HMGB1: variants seen among roughly 807,000 people sequenced by gnomAD.
HMGB1 encodes high mobility group box 1, also known as high mobility group protein B1.
For missense variants in HMGB1, 79 were observed against 253.5 expected, an observed-to-expected ratio of 0.31 and a Z score of 4.67; for synonymous variants, 81 against 84.0, an observed-to-expected ratio of 0.96 and a Z score of 0.19.
chr13:30,526,898 AT>A (rs1336276671), intron 1 of HMGB1, among the ~76,000 whole-genome samples: 1 of 152,250 alleles, frequency 6.6e-6, no homozygotes, highest in African/African-American at 2.4e-5. Context: ...TTTGTCTCAG[AT>A]CACAATCAGC....
At chr13:30,538,573 T>TCTTTCTTC (rs1412640453) in intron 1 of HMGB1, among the ~76,000 whole-genome samples, 1 of 87,934 alleles carries the variant, frequency 1.1e-5, no homozygotes, top group African/African-American at 1.1e-4. Context: ...CTTCTTTTTC[T>TCTTTCTTC]TTCTTTCTTT....
intron 1 of HMGB1, among the ~76,000 whole-genome samples, chr13:30,531,868 G>A (rs1888504215): frequency 6.6e-6 from 1 of 151,846 alleles, no homozygotes. Context: ...TTGCACTCCA[G>A]CCTGGGCAAT....
chr13:30,567,343 A>ATTTTTTT (rs34781585), intron 1 of HMGB1, among the ~76,000 whole-genome samples: 7 of 138,824 alleles, frequency 5.0e-5, no homozygotes, highest in Non-Finnish European at 9.4e-5. Flanking sequence ...TGTTAACCAA[A>ATTTTTTT]TTTTTTTTTT....
At chr13:30,507,341 G>A (rs1333425297) in intron 1 of HMGB1, among the ~76,000 whole-genome samples, 1 of 152,180 alleles carries the variant, frequency 6.6e-6, no homozygotes, top group East Asian at 1.9e-4. Context: ...GTATTCAGAG[G>A]TGGCACCTGG....
Position 30,524,405 on chromosome 13 carries a change from G to C in HMGB1, c.-14-60711C>G, listed in dbSNP as rs184476505. 3.3e-5 allele frequency among the ~76,000 whole-genome samples: 5 copies of C among 149,854 alleles called. No homozygotes were observed. In the South Asian group the frequency reaches 8.5e-4, roughly 26 times the overall value. On this transcript the variant is annotated intron_variant, in intron 1 of 4. Transcript: ENST00000405805. ...AGACTGGGTGGAAAGAGGTTTAATC[G>C]ACTCACAGTTGAGCACGGCTAGGAA... is the stretch of plus-strand genomic sequence containing the variant.
Position 30,465,910 on chromosome 13 carries a change from T to C in HMGB1, c.-129A>G, listed in dbSNP as rs1357317442. 19 of 985,796 alleles carry C rather than the reference T, an allele frequency of 1.9e-5. No individual in the cohort carries two copies. The highest frequency in any genetic ancestry group is 2.0e-5 in the Non-Finnish European group (17 of 829,992). 61.1% of individuals were successfully genotyped at this position (985,796 alleles called of 1,614,324 possible). On this transcript the variant is annotated 5_prime_UTR_variant, in exon 1 of 5. Transcript: ENST00000341423. ...GTGAGAGCGGGAGCCAGACGCAGCC[T>C]CCTCACTCTCTCCGCTCTGTAACAT...
intron 1 of HMGB1, among the ~76,000 whole-genome samples, chr13:30,505,446 G>A (rs1460324927): frequency 1.3e-5 from 2 of 151,944 alleles, no homozygotes; most frequent in African/African-American, 2.4e-5. Flanking sequence ...CCAAAGTGCT[G>A]GGATTACAGG....
chr13:30,534,102 G>T (rs1421502095), intron 1 of HMGB1, among the ~76,000 whole-genome samples: 1 of 152,136 alleles, frequency 6.6e-6, no homozygotes, highest in Non-Finnish European at 1.5e-5. Context: ...AACCTCAGGT[G>T]ATCTGCCTGC....
chr13:30,539,067 T>C (rs1024460703), intron 1 of HMGB1, among the ~76,000 whole-genome samples: 5 of 152,078 alleles, frequency 3.3e-5, no homozygotes, highest in African/African-American at 1.2e-4. Flanking sequence ...CAGCTAATTT[T>C]TGTATTTTTA....
intron 1 of HMGB1, among the ~76,000 whole-genome samples, chr13:30,583,927 C>T (rs1235933897): frequency 6.6e-6 from 1 of 151,410 alleles, no homozygotes; most frequent in African/African-American, 2.4e-5. Context: ...ATCACTTGAA[C>T]CTAGGAATTT....
chr13:30,464,594 C>A, intron 1 of HMGB1: 3 of 984,254 alleles, frequency 3.0e-6, no homozygotes, highest in Non-Finnish European at 3.6e-6. Context: ...CCGCCGCCGC[C>A]CCCATTTTGT....
rs201189183 is a variant in HMGB1 at position 30,464,709 on chromosome 13, GCGC to G, written c.-14-1018_-14-1016del. The G allele has an allele frequency of 2.0e-3, 1,516 of 754,498 alleles. 5 individuals carry two copies. Among genetic ancestry groups the G allele is most frequent in the Non-Finnish European group, 2.2e-3 (1,395 of 620,414 alleles). The allele number at this position is 754,498 out of a possible 1,614,324, so 46.7% of individuals were successfully genotyped here. ...TGGCCGCTGCGCGTCTTCTCCGCCTGCGCCGCCGCCGCCGCGAGGGCGAGCGCG... is the reference window on the plus strand; with the variant it reads ...TGGCCGCTGCGCGTCTTCTCCGCCTGCGCCGCCGCCGCGAGGGCGAGCGCG... On this transcript the variant is annotated intron_variant, in intron 1 of 4. Coordinates refer to ENST00000341423, the MANE Select transcript of HMGB1 (RefSeq NM_002128.7).
upstream of HMGB1, among the ~76,000 whole-genome samples, chr13:30,467,445 G>T (rs1425277274): frequency 2.0e-5 from 3 of 152,068 alleles, no homozygotes; most frequent in Admixed American, 6.5e-5. Context: ...CTTTTTAAAA[G>T]AAAATACACT....
chr13:30,544,798 T>G (rs1869070773), intron 1 of HMGB1, among the ~76,000 whole-genome samples: 1 of 152,208 alleles, frequency 6.6e-6, no homozygotes, highest in Admixed American at 6.5e-5. Flanking sequence ...AGCTGGTGGG[T>G]CAGAAGAATA....
upstream of HMGB1, among the ~76,000 whole-genome samples, chr13:30,469,820 G>A (rs997024635): frequency 1.3e-5 from 2 of 152,148 alleles, no homozygotes; most frequent in Non-Finnish European, 1.5e-5. Flanking sequence ...TAGTGGAGAC[G>A]GGGTTTCACC....
intron 1 of HMGB1, among the ~76,000 whole-genome samples, chr13:30,602,048 GA>G (rs1566037489): frequency 6.6e-6 from 1 of 152,120 alleles, no homozygotes; most frequent in Admixed American, 6.5e-5. Context: ...GCACATGTAC[GA>G]GCGTACAAGC....
chr13:30,572,889 T>C (rs1219330537), intron 1 of HMGB1, among the ~76,000 whole-genome samples: 1 of 152,208 alleles, frequency 6.6e-6, no homozygotes, highest in African/African-American at 2.4e-5. Flanking sequence ...CACAATTATC[T>C]AGATATCTAG....
At chr13:30,516,189 T>C (rs1888098293) in intron 1 of HMGB1, among the ~76,000 whole-genome samples, 1 of 152,192 alleles carries the variant, frequency 6.6e-6, no homozygotes, top group South Asian at 2.1e-4. Flanking sequence ...AGAAATGCAA[T>C]TTGGGAAATG....
At chr13:30,528,799 T>C (rs1332514650) in intron 1 of HMGB1, among the ~76,000 whole-genome samples, 1 of 151,860 alleles carries the variant, frequency 6.6e-6, no homozygotes. Flanking sequence ...GAGACCGAGG[T>C]GGGCTGATCA....
Sources: allele counts gnomAD v4.1 joint callset (sites outside exome capture counted in the v4.1 genomes callset), GRCh38; gene constraint gnomAD v4.1.1; transcripts MANE v1.5; gene names NCBI Gene and HGNC (gene_info 2026-07-23, HGNC 2026-07-21).